Variants in RIN1 observed in about 807,000 individuals in gnomAD.
RIN1 encodes ras inhibitor 1.
Under a neutral mutation model 64.9 loss-of-function variants are expected in RIN1, and 52 were observed. The observed-to-expected ratio is 0.80, with a 90% CI of 0.64 to 1.01. The LOEUF is 1.01. Among genes scored for constraint, RIN1 ranks in the 50% least tolerant of loss-of-function variants. The pLI is 0.00. For synonymous variants in RIN1, 486 were observed against 483.6 expected, an observed-to-expected ratio of 1.00 and a Z score of -0.06; for missense variants, 1,040 against 1,064.5, an observed-to-expected ratio of 0.98 and a Z score of 0.32.
chr11:66,336,689 G>T (rs1261711391), upstream of RIN1: 15 of 428,582 alleles, frequency 3.5e-5, no homozygotes, highest in Non-Finnish European at 5.9e-5. Context: ...ACACGTGGGC[G>T]GGAAGTGGTT....
At position 66,336,166 on chromosome 11, in the gene RIN1, C is replaced by A. The variant is rs1854895623; in HGVS notation, c.87-8G>T. On this transcript the variant is annotated splice_polypyrimidine_tract_variant and splice_region_variant and intron_variant, in intron 1 of 9. Coordinates refer to ENST00000311320, the MANE Select transcript of RIN1 (RefSeq NM_004292.3). ...AGTGGGTCCTGGGCTGGCCTGGGGG[C>A]AGGCACCCAGATCTGAGCAGGGAGC... The A allele has an allele frequency of 2.1e-6, 3 of 1,453,844 alleles. No individual in the cohort carries two copies. Among genetic ancestry groups the A allele is most frequent in the Non-Finnish European group, 9.1e-7 (1 of 1,102,626 alleles). 90.1% of individuals were successfully genotyped at this position (1,453,844 alleles called of 1,614,324 possible).
rs139287017 is a variant in RIN1 at position 66,333,786 on chromosome 11, C to T, written c.1592-128G>A. 6.3e-3 allele frequency: 9,036 copies of T among 1,426,040 alleles called. 29 individuals carry two copies. The highest frequency in any genetic ancestry group is 7.4e-3 in the Non-Finnish European group (7,964 of 1,071,118). The allele number at this position is 1,426,040 out of a possible 1,614,324, so 88.3% of individuals were successfully genotyped here. A position where few individuals can be genotyped will look rare whatever the true frequency, so the allele number is the denominator to read the frequency against. ...TGCGCTCCTCTCTAGGCCTCAGTTT[C>T]GCCATCTGCAAGAGGGGAGGGTGGG... On this transcript the variant is annotated intron_variant, in intron 7 of 9. Transcript: ENST00000311320.
rs912395953 is a variant in RIN1 at position 66,330,401 on chromosome 11, G to T, written c.*1875C>A. The T allele has an allele frequency of 6.7e-6, 1 of 149,202 alleles. No homozygotes were observed. The highest frequency in any genetic ancestry group is 2.5e-5 in the African/African-American group (1 of 39,582). 9.2% of individuals were successfully genotyped at this position (149,202 alleles called of 1,614,324 possible). A position where few individuals can be genotyped will look rare whatever the true frequency, so the allele number is the denominator to read the frequency against. ...GGAGGGCGTGGAAGTGGGGAGGGAA[G>T]AGCTGCTGGTGGCCTAGTGACAAAA... On this transcript the variant is annotated 3_prime_UTR_variant, in exon 10 of 10. Transcript: ENST00000311320.
At position 66,334,182 on chromosome 11, in the gene RIN1, G is replaced by A; in HGVS notation, c.1328C>T (p.Pro443Leu). The A allele has an allele frequency of 6.6e-7, 1 of 1,526,288 alleles. No individual in the cohort carries two copies. The highest frequency in any genetic ancestry group is 2.4e-5 in the East Asian group (1 of 42,424). 94.5% of individuals were successfully genotyped at this position (1,526,288 alleles called of 1,614,324 possible). A position where few individuals can be genotyped will look rare whatever the true frequency, so the allele number is the denominator to read the frequency against. Residue 443 changes from proline to leucine, a missense_variant, in exon 7 of 10, where the codon CCT becomes CTT. Pro to Leu is a moderately conservative substitution (Grantham distance 98). Coordinates refer to ENST00000311320, the MANE Select transcript of RIN1 (RefSeq NM_004292.3). The part of the protein sequence containing the change: ...EKSLHCSVLK[P>L]LRPILAARLR... ...GCGGGCTGCCAGGATGGGCCGGAGA[G>A]GCTTGAGCACAGAGCAATGCAATGA...
Position 66,332,846 on chromosome 11 carries a change from G to C in RIN1, c.1876-94C>G. 4 of 964,382 alleles carry C rather than the reference G, an allele frequency of 4.1e-6. No homozygotes were observed. In the South Asian group the frequency reaches 5.0e-5, roughly 12 times the overall value. 59.7% of individuals were successfully genotyped at this position (964,382 alleles called of 1,614,324 possible). ...ACATCAGCTTTCTGGGCTGTGCAGGGACAGGGTGGGTAGGTGGAGATCCAG... is the reference window on the plus strand; with the variant it reads ...ACATCAGCTTTCTGGGCTGTGCAGGCACAGGGTGGGTAGGTGGAGATCCAG... On this transcript the variant is annotated intron_variant, in intron 9 of 9. Transcript: ENST00000311320.
rs748453036 is a variant in RIN1 at position 66,334,176 on chromosome 11, C to T, written c.1334G>A (p.Arg445Gln). 2.9e-5 allele frequency: 43 copies of T among 1,484,004 alleles called. No individual in the cohort carries two copies. The highest frequency in any genetic ancestry group is 3.4e-5 in the Non-Finnish European group (38 of 1,118,814). The allele number at this position is 1,484,004 out of a possible 1,614,324, so 91.9% of individuals were successfully genotyped here. A position where few individuals can be genotyped will look rare whatever the true frequency, so the allele number is the denominator to read the frequency against. The stretch of plus-strand genomic sequence containing the variant: ...CCGCAGGCGGGCTGCCAGGATGGGC[C>T]GGAGAGGCTTGAGCACAGAGCAATG... ...SLHCSVLKPL[R>Q]PILAARLRRR... The change falls in exon 7 of 10, where the codon CGG becomes CAG. Residue 445 changes from arginine (R) to glutamine (Q), a missense_variant. Coordinates refer to ENST00000311320, the MANE Select transcript of RIN1 (RefSeq NM_004292.3).
At chr11:66,334,432 A>G (rs1657450885) in intron 6 of RIN1, 82 bp downstream of exon 6, 3 of 1,524,112 alleles carry the variant, frequency 2.0e-6, no homozygotes, top group Non-Finnish European at 2.7e-6. Context: ...GCAGCAGAAC[A>G]GAATCAGACA....
At position 66,335,885 on chromosome 11, in the gene RIN1, G is replaced by C; in HGVS notation, c.268-9C>G. ...TTCCGCACGAGGAACGTCTGCAAGT[G>C]GATAGGGCTCAGGCAGCTCAGGACC... is the stretch of plus-strand genomic sequence containing the variant. On this transcript the variant is annotated splice_polypyrimidine_tract_variant and intron_variant, in intron 2 of 9. Coordinates refer to ENST00000311320, the MANE Select transcript of RIN1 (RefSeq NM_004292.3). 6.4e-7 allele frequency: 1 copy of C among 1,557,524 alleles called. No homozygotes were observed. The highest frequency in any genetic ancestry group is 8.7e-7 in the Non-Finnish European group (1 of 1,150,796).
Position 66,336,070 on chromosome 11 carries a change from G to C in RIN1, c.175C>G (p.Arg59Gly), listed in dbSNP as rs1303812006. 2.7e-6 allele frequency: 4 copies of C among 1,462,696 alleles called. No homozygotes were observed. The highest frequency in any genetic ancestry group is 3.6e-6 in the Non-Finnish European group (4 of 1,108,294). The allele number at this position is 1,462,696 out of a possible 1,614,324, so 90.6% of individuals were successfully genotyped here. Reference sequence around the variant, plus strand: ...GGCCGGGTGAGCAGCAGGCGCTCCCGCAGGCTCACAACGCGCCCCGGCCGC... The same window carrying C: ...GGCCGGGTGAGCAGCAGGCGCTCCCCCAGGCTCACAACGCGCCCCGGCCGC... The part of the protein sequence containing the change: ...PQRPGRVVSL[R>G]ERLLLTRPVW... Residue 59 changes from arginine (R) to glycine (G), a missense_variant, in exon 2 of 10, where the codon CGG (arginine) becomes GGG (glycine). Coordinates refer to ENST00000311320, the MANE Select transcript of RIN1 (RefSeq NM_004292.3).
chr11:66,335,333 G>C, intron 5 of RIN1, 74 bp downstream of exon 5: 1 of 1,556,036 alleles, frequency 6.4e-7, no homozygotes, highest in South Asian at 1.2e-5. Flanking sequence ...GGCTTCGGGC[G>C]GTGTGCTGCG....
At chr11:66,333,226 T>C (rs746040564) in intron 9 of RIN1, 32 bp downstream of exon 9, 1 of 1,605,822 alleles carries the variant, frequency 6.2e-7, no homozygotes, top group Non-Finnish European at 8.5e-7. Context: ...GGATGGCGTC[T>C]GGCTCTGAGG....
intron 9 of RIN1, 123 bp downstream of exon 9, chr11:66,333,135 C>A: frequency 8.1e-7 from 1 of 1,232,176 alleles, no homozygotes; most frequent in Non-Finnish European, 1.2e-6. Context: ...CCCCACAACC[C>A]AGTGGCAGAG....
rs1272228554 is a variant in RIN1 at position 66,334,932 on chromosome 11, C to T, written c.867G>A (p.Arg289=). 2 of 1,587,008 alleles carry T rather than the reference C, an allele frequency of 1.3e-6. No individual in the cohort carries two copies. The highest frequency in any genetic ancestry group is 1.1e-5 in the South Asian group (1 of 87,890). ...GCACGCGGTACCCCACTGAGCTCTC[C>T]CTCCGTAGCAGCTGGCAAGGGGGCA... is the stretch of plus-strand genomic sequence containing the variant. ...ERLPPCQLLR[R]ESSVGYRVPA... Residue 289 remains arginine (R), a synonymous_variant, in exon 6 of 10, where the codon AGG becomes AGA. Coordinates refer to ENST00000311320, the MANE Select transcript of RIN1 (RefSeq NM_004292.3).
chr11:66,335,589 G>C (rs1025330818), intron 4 of RIN1, 21 bp downstream of exon 4: 2 of 1,613,370 alleles, frequency 1.2e-6, no homozygotes, highest in Non-Finnish European at 8.5e-7. Flanking sequence ...TGGACACCAG[G>C]CACCCTGCGG....
Position 66,335,762 on chromosome 11 carries a change from C to G in RIN1, c.382G>C (p.Gly128Arg). ...CCTTCCCGCCAGGCCAGCCCCTCACCGCCAGGGCTCTCCAGGATGTAGTGG... is the reference window on the plus strand; with the variant it reads ...CCTTCCCGCCAGGCCAGCCCCTCACGGCCAGGGCTCTCCAGGATGTAGTGG... ...SSHYILESPG[G>R]VSLEGSELMF... The change falls in exon 3 of 10, where the codon GGC becomes CGC. Residue 128 changes from glycine to arginine, a missense_variant and splice_region_variant. Coordinates refer to ENST00000311320, the MANE Select transcript of RIN1 (RefSeq NM_004292.3). 1 of 1,613,138 alleles carries G rather than the reference C, an allele frequency of 6.2e-7. No individual in the cohort carries two copies. Among genetic ancestry groups the G allele is most frequent in the Non-Finnish European group, 8.5e-7 (1 of 1,179,592 alleles).
rs1251501348 is a variant in RIN1, at chr11:66,334,058, C to G, written c.1452G>C (p.Leu484=). 11 of 1,573,388 alleles carry G rather than the reference C, an allele frequency of 7.0e-6. No homozygotes were observed. The highest frequency in any genetic ancestry group is 9.5e-6 in the Non-Finnish European group (11 of 1,160,406). The part of the protein sequence containing the change: ...AQGPGAFGSH[L]SLPSPVELEQ... ...CCAACTCTACTGGGGAGGGCAGGCTCAGGTGGGACCCGAAGGCTCCGGGGC... is the reference window on the plus strand; with the variant it reads ...CCAACTCTACTGGGGAGGGCAGGCTGAGGTGGGACCCGAAGGCTCCGGGGC... Residue 484 remains leucine (L), a synonymous_variant, in exon 7 of 10, where the codon CTG becomes CTC. Transcript: ENST00000311320.
In RIN1 at chr11:66,336,386, T is replaced by C. The variant is rs746694055; in HGVS notation, c.17A>G (p.Glu6Gly). The change falls in exon 1 of 10, where the codon GAG (glutamate) becomes GGG (glycine). Residue 6 changes from glutamate to glycine, a missense_variant. By Grantham distance (98) the Glu-to-Gly change is moderately conservative. Coordinates refer to ENST00000311320, the MANE Select transcript of RIN1 (RefSeq NM_004292.3). The stretch of plus-strand genomic sequence containing the variant: ...GGCTCCAGGAGAGCCCGCGCCTGAC[T>C]CTCCAGGGCTTTCCATGGCTGGGAG... Reference protein sequence around the residue: MESPGESGAGSPGAPS... With the variant: MESPGGSGAGSPGAPS... 6 of 1,613,342 alleles carry C rather than the reference T, an allele frequency of 3.7e-6. No homozygotes were observed. Among genetic ancestry groups the C allele is most frequent in the Non-Finnish European group, 5.1e-6 (6 of 1,179,720 alleles).
chr11:66,336,566 C>T, upstream of RIN1: 1 of 644,694 alleles, frequency 1.6e-6, no homozygotes, highest in Non-Finnish European at 2.7e-6. Flanking sequence ...TGTTCTGGAC[C>T]CTGCTTTGGG....
At position 66,335,854 on chromosome 11, in the gene RIN1, T is replaced by C; in HGVS notation, c.290A>G (p.Asn97Ser). Reference protein sequence around the residue: ...PPGTFLVRKSNTRQCQALCMR... With the variant: ...PPGTFLVRKSSTRQCQALCMR... The stretch of plus-strand genomic sequence containing the variant: ...GCACAGGGCCTGGCACTGGCGGGTG[T>C]TAGATTTCCGCACGAGGAACGTCTG... Residue 97 changes from asparagine to serine, a missense_variant, in exon 3 of 10, where the codon AAC becomes AGC. Transcript: ENST00000311320. 6.3e-7 allele frequency: 1 copy of C among 1,580,238 alleles called. No individual in the cohort carries two copies. Among genetic ancestry groups the C allele is most frequent in the Non-Finnish European group, 8.6e-7 (1 of 1,161,976 alleles).
Sources: gnomAD v4.1 joint callset for allele counts on GRCh38, gnomAD v4.1.1 for gene constraint, MANE v1.5 for transcripts, NCBI Gene and HGNC (gene_info 2026-07-23, HGNC 2026-07-21) for gene names.